The following RXRG variants were observed in gnomAD, a reference collection of about 807,000 sequenced individuals.
RXRG encodes the protein retinoic acid receptor RXR-gamma.
A neutral mutation model predicts 49.2 loss-of-function variants in RXRG; 19 were observed. The observed-to-expected ratio is 0.39, with a 90% CI of 0.27 to 0.57. The LOEUF is 0.57. Ranked by LOEUF, RXRG falls within the 20% of genes least tolerant of loss-of-function variation. RXRG has a pLI of 0.64. For synonymous variants in RXRG, 224 were observed against 216.6 expected (o/e 1.03, Z -0.30); for missense variants, 452 against 592.5 (o/e 0.76, Z 2.46).
At position 165,406,903 on chromosome 1, in the gene RXRG, A is replaced by G. The variant is rs1448493579; in HGVS notation, c.1153T>C (p.Ser385Pro). The change falls in exon 9 of 10, where the codon TCC (serine) becomes CCC (proline). Residue 385 changes from serine (S) to proline (P), a missense_variant. By Grantham distance (74) the Ser-to-Pro change is moderately conservative. This residue lies in a region of RXRG where 286 missense variants were observed against 440.9 expected (regional missense o/e 0.65). Coordinates refer to ENST00000359842, the MANE Select transcript of RXRG (RefSeq NM_006917.5). ...VLFNPDAKGL[S>P]NPSEVETLRE... ...AGAGTCTCCACCTCAGAGGGGTTGGACAGGCCCTTGGCATCTAAAAGACAT... is the reference window on the plus strand; with the variant it reads ...AGAGTCTCCACCTCAGAGGGGTTGGGCAGGCCCTTGGCATCTAAAAGACAT... The G allele has an allele frequency of 6.2e-7, 1 of 1,613,404 alleles. No individual in the cohort carries two copies. Among genetic ancestry groups the G allele is most frequent in the Non-Finnish European group, 8.5e-7 (1 of 1,179,538 alleles).
At chr1:165,444,786 C>G in intron 1 of RXRG, 59 bp downstream of exon 1, 2 of 1,429,672 alleles carry the variant, frequency 1.4e-6, no homozygotes, top group Non-Finnish European at 2.0e-6. Context: ...TCGTATTTCC[C>G]AATTTCTTCT....
At chr1:165,418,105 C>T (rs1658186380) in intron 3 of RXRG, among the ~76,000 whole-genome samples, 1 of 79,878 alleles carries the variant, frequency 1.3e-5, no homozygotes. Context: ...AGCGAGATCC[C>T]GTCTCAAAAA....
intron 1 of RXRG, among the ~76,000 whole-genome samples, chr1:165,435,132 T>G (rs1220615056): frequency 1.3e-5 from 2 of 152,238 alleles, no homozygotes; most frequent in Admixed American, 6.5e-5. Flanking sequence ...TTGGGATTTT[T>G]GGATTAGGAA....
chr1:165,407,727 A>G (rs2101706494), intron 8 of RXRG, among the ~76,000 whole-genome samples: 1 of 152,216 alleles, frequency 6.6e-6, no homozygotes, highest in East Asian at 1.9e-4. Flanking sequence ...CCCATTTCCT[A>G]TTTTAATGTC....
chr1:165,430,005 G>A (rs150855358), intron 1 of RXRG, among the ~76,000 whole-genome samples: 7 of 152,228 alleles, frequency 4.6e-5, no homozygotes, highest in South Asian at 4.2e-4. Context: ...GCACCCCACC[G>A]TGGATCCCAT....
chr1:165,405,611 G>A (rs749850757), intron 9 of RXRG, among the ~76,000 whole-genome samples: 9 of 152,222 alleles, frequency 5.9e-5, no homozygotes, highest in South Asian at 2.1e-4. Flanking sequence ...AACACAGTAT[G>A]GCTCTGGGTC....
At position 165,401,541 on chromosome 1, in the gene RXRG, G is replaced by A. The variant is rs1657566190; in HGVS notation, c.1245-131C>T. ...AAAAGAGCTGGAAGGGTAGACAAGGGGGTCACAGAATCTCTAAGCCTAAAG... is the reference window on the plus strand; with the variant it reads ...AAAAGAGCTGGAAGGGTAGACAAGGAGGTCACAGAATCTCTAAGCCTAAAG... On this transcript the variant is annotated intron_variant, in intron 9 of 9. Transcript: ENST00000359842. 5 of 967,488 alleles carry A rather than the reference G, an allele frequency of 5.2e-6. No homozygotes were observed. The Admixed American group carries it at 7.5e-5, about 15-fold the overall frequency. 59.9% of individuals were successfully genotyped at this position (967,488 alleles called of 1,614,324 possible). A position where few individuals can be genotyped will look rare whatever the true frequency, so the allele number is the denominator to read the frequency against.
chr1:165,421,470 A>T (rs1010797086), intron 2 of RXRG, among the ~76,000 whole-genome samples: 2 of 150,918 alleles, frequency 1.3e-5, no homozygotes, highest in African/African-American at 4.9e-5. Flanking sequence ...CATGGACCTC[A>T]TCCATGTCTT....
intron 1 of RXRG, among the ~76,000 whole-genome samples, chr1:165,440,468 T>C (rs970578829): frequency 6.6e-6 from 1 of 152,226 alleles, no homozygotes; most frequent in Non-Finnish European, 1.5e-5. Context: ...GCATCTATAA[T>C]CCAGAAATCT....
intron 9 of RXRG, among the ~76,000 whole-genome samples, chr1:165,405,796 T>C (rs561436631): frequency 7.9e-5 from 12 of 152,366 alleles, no homozygotes; most frequent in Non-Finnish European, 1.3e-4. Flanking sequence ...TACTAGGCCC[T>C]GCCTATTCAT....
chr1:165,433,527 GC>G (rs753310892), intron 1 of RXRG, among the ~76,000 whole-genome samples: 16 of 152,298 alleles, frequency 1.1e-4, no homozygotes, highest in South Asian at 4.1e-4. Flanking sequence ...GATTTTATTT[GC>G]AAAATAACTT....
At chr1:165,402,767 C>G (rs1657623138) in intron 9 of RXRG, among the ~76,000 whole-genome samples, 1 of 152,006 alleles carries the variant, frequency 6.6e-6, no homozygotes, top group African/African-American at 2.4e-5. Context: ...TTCACACACT[C>G]TCATGCATAC....
At chr1:165,420,909 G>A (rs763115015) in intron 2 of RXRG, among the ~76,000 whole-genome samples, 33 of 152,350 alleles carry the variant, frequency 2.2e-4, no homozygotes, top group Non-Finnish European at 4.1e-4. Flanking sequence ...AGGTGGTGCA[G>A]GATATGCATG....
At position 165,406,999 on chromosome 1, in the gene RXRG, G is replaced by A. The variant is rs1199849672; in HGVS notation, c.1139-82C>T. ...CCATTCTCTCTGGCCACTCTCTGTA[G>A]AGTTACTAGAGACACCCTGGATGGG... On this transcript the variant is annotated intron_variant, in intron 8 of 9. Transcript: ENST00000359842. The A allele has an allele frequency of 3.3e-6, 3 of 899,380 alleles. No individual in the cohort carries two copies. In the African/African-American group the frequency reaches 4.9e-5, roughly 15 times the overall value. The allele number at this position is 899,380 out of a possible 1,614,324, so 55.7% of individuals were successfully genotyped here.
rs1200540130 is a variant in RXRG, at chr1:165,440,661, C to T, written c.49+4184G>A. Among the ~76,000 whole-genome samples, 18 of 53,798 alleles carry T rather than the reference C, an allele frequency of 3.3e-4. No individual in the cohort carries two copies. The Admixed American group carries it at 3.7e-3, about 11-fold the overall frequency. The allele number at this position is 53,798 out of a possible 152,430, so 35.3% of individuals were successfully genotyped here. On this transcript the variant is annotated intron_variant, in intron 1 of 9. Transcript: ENST00000359842. ...CAATCTCATGAGAGCCACCAAAGCC[C>T]ATGCATTCTAGAAAATTAACTTCAT...
chr1:165,443,554 A>G (rs77329213), intron 1 of RXRG, among the ~76,000 whole-genome samples: 9,548 of 152,252 alleles, frequency 0.063, 451 homozygotes, highest in South Asian at 0.15. Context: ...GTTTGCTATT[A>G]CACACATCAT....
At chr1:165,416,947 G>T in intron 4 of RXRG, 94 bp downstream of exon 4, 1 of 1,213,740 alleles carries the variant, frequency 8.2e-7, no homozygotes, top group South Asian at 1.5e-5. Flanking sequence ...GATGACTTTG[G>T]GCACCATGAC....
chr1:165,429,263 C>T (rs1229262775), intron 1 of RXRG, among the ~76,000 whole-genome samples: 1 of 152,180 alleles, frequency 6.6e-6, no homozygotes, highest in African/African-American at 2.4e-5. Context: ...ACAAGGGGCA[C>T]AGTCCAGAAG....
chr1:165,420,714 T>C (rs1658286104), intron 2 of RXRG, among the ~76,000 whole-genome samples: 1 of 152,230 alleles, frequency 6.6e-6, no homozygotes, highest in African/African-American at 2.4e-5. Context: ...GTAAGATTCC[T>C]CAGAAACTGA....
Sources: gnomAD v4.1 joint callset for allele counts (sites outside exome capture counted in the v4.1 genomes callset) on GRCh38, gnomAD v4.1.1 for gene constraint, gnomAD v4.1.1 regional missense constraint, MANE v1.5 for transcripts, NCBI Gene and HGNC (gene_info 2026-07-23, HGNC 2026-07-21) for gene names.